LRRFIP1: variants seen among roughly 807,000 people sequenced by gnomAD.
LRRFIP1 encodes the protein leucine-rich repeat flightless-interacting protein 1.
A neutral mutation model predicts 104.4 loss-of-function variants in LRRFIP1; 62 were observed. The observed-to-expected ratio is 0.59, with a 90% CI of 0.48 to 0.73. The LOEUF (loss-of-function observed/expected upper bound fraction) is 0.73. Ranked by LOEUF, LRRFIP1 falls within the 30% of genes least tolerant of loss-of-function variation. The probability of loss-of-function intolerance (pLI) is 0.00; values close to 1 mark genes in which losing one functional copy is unlikely to be tolerated. For missense variants in LRRFIP1, 796 were observed against 824.5 expected, an observed-to-expected ratio of 0.97 and a Z score of 0.42; for synonymous variants, 300 against 299.0, an observed-to-expected ratio of 1.00 and a Z score of -0.03.
intron 1 of LRRFIP1, among the ~76,000 whole-genome samples, chr2:237,662,380 G>C (rs755069672): frequency 3.3e-4 from 50 of 152,214 alleles, no homozygotes; most frequent in Non-Finnish European, 6.5e-4. Context: ...TGAACTTTTG[G>C]GGGATGTTAC....
At chr2:237,647,975 G>C (rs2085252299) in intron 1 of LRRFIP1, among the ~76,000 whole-genome samples, 1 of 152,102 alleles carries the variant, frequency 6.6e-6, no homozygotes. Context: ...TCCAGAATCT[G>C]GGGGAAGAAC....
chr2:237,741,615 G>A (rs1366883208), intron 11 of LRRFIP1, among the ~76,000 whole-genome samples: 3 of 152,060 alleles, frequency 2.0e-5, no homozygotes, highest in Non-Finnish European at 4.4e-5. Context: ...ATCACTTGAG[G>A]TCAGGAGTTG....
At chr2:237,702,866 T>C (rs1456055021) in intron 1 of LRRFIP1, among the ~76,000 whole-genome samples, 1 of 152,130 alleles carries the variant, frequency 6.6e-6, no homozygotes, top group Non-Finnish European at 1.5e-5. Context: ...CTACCCAGCC[T>C]CAACAATTGT....
intron 21 of LRRFIP1, 84 bp downstream of exon 21, chr2:237,772,282 G>T: frequency 9.6e-7 from 1 of 1,041,702 alleles, no homozygotes; most frequent in Non-Finnish European, 1.5e-6. Context: ...AACTGTCACG[G>T]CAAAGAATGC....
rs1576479387 is a variant in LRRFIP1, at chr2:237,779,515, C to G, written c.1906C>G (p.Leu636Val). Residue 636 changes from leucine (L) to valine (V), a missense_variant, in exon 24 of 24, where the codon CTC (leucine) becomes GTC (valine). Physicochemically the swap from Leu to Val is conservative, Grantham distance 32. Transcript: ENST00000308482. ...AAAAATGAAAGCAAATCGGAGTGCA[C>G]TCTTGTCCCAGCAGTAAATTCCAGC... ...LEKMKANRSA[L>V]LSQQ 3 of 1,613,540 alleles carry G rather than the reference C, an allele frequency of 1.9e-6. No individual in the cohort carries two copies. The highest frequency in any genetic ancestry group is 2.5e-6 in the Non-Finnish European group (3 of 1,179,524).
chr2:237,746,062 A>G (rs867196400), intron 11 of LRRFIP1, among the ~76,000 whole-genome samples: 1 of 141,034 alleles, frequency 7.1e-6, no homozygotes. Flanking sequence ...TATTTTATTT[A>G]TTTTTTTTTT....
At chr2:237,660,853 GA>G (rs34577887) in intron 1 of LRRFIP1, among the ~76,000 whole-genome samples, 11,872 of 152,216 alleles carry the variant, frequency 0.078, 570 homozygotes, top group East Asian at 0.19. Context: ...GTCTGTGGCA[GA>G]AAAAGGGAGA....
At chr2:237,689,900 G>C (rs2092650027) in intron 1 of LRRFIP1, among the ~76,000 whole-genome samples, 1 of 152,226 alleles carries the variant, frequency 6.6e-6, no homozygotes, top group African/African-American at 2.4e-5. Flanking sequence ...CCCCGTGTTA[G>C]AGCCTTTGGT....
chr2:237,705,858 G>C (rs547071538), intron 1 of LRRFIP1, among the ~76,000 whole-genome samples: 1 of 152,158 alleles, frequency 6.6e-6, no homozygotes. Context: ...GCGTCAGTCA[G>C]CCAGGGGCTG....
At chr2:237,737,510 GTTTGAGAGCTGCT>G (rs2095288576) in intron 10 of LRRFIP1, among the ~76,000 whole-genome samples, 1 of 152,198 alleles carries the variant, frequency 6.6e-6, no homozygotes, top group South Asian at 2.1e-4. Context: ...CAGTTGGAAG[GTTTGAGAGCTGCT>G]TTTGCTTAGG....
At chr2:237,734,273 C>CTTTTTTTTT (rs71870330) in intron 9 of LRRFIP1, among the ~76,000 whole-genome samples, 9 of 90,218 alleles carry the variant, frequency 1.0e-4, no homozygotes, top group African/African-American at 3.2e-4. Context: ...TGTTAATAAC[C>CTTTTTTTTT]TTTTTTTTTT....
intron 19 of LRRFIP1, chr2:237,765,190 G>A (rs1219024453): frequency 3.0e-5 from 5 of 166,268 alleles, no homozygotes; most frequent in Admixed American, 6.6e-5. Flanking sequence ...TTGAACCTGC[G>A]AGGCAGAGAT....
At chr2:237,746,536 G>A (rs774272085) in intron 11 of LRRFIP1, among the ~76,000 whole-genome samples, 3 of 152,168 alleles carry the variant, frequency 2.0e-5, no homozygotes, top group Admixed American at 2.0e-4. Flanking sequence ...CTGTCCCATC[G>A]GAGTCTGCCT....
intron 1 of LRRFIP1, among the ~76,000 whole-genome samples, chr2:237,681,150 C>G (rs1006002089): frequency 1.3e-5 from 2 of 152,216 alleles, no homozygotes; most frequent in African/African-American, 2.4e-5. Flanking sequence ...TCTCACCTCC[C>G]TGTTCAAATA....
intron 23 of LRRFIP1, among the ~76,000 whole-genome samples, chr2:237,778,277 C>G (rs2061260114): frequency 6.6e-6 from 1 of 152,194 alleles, no homozygotes; most frequent in Admixed American, 6.5e-5. Context: ...ACTTCTGTCC[C>G]AGGACCCAAA....
rs1417103213 is a variant in LRRFIP1, at chr2:237,691,880, A to G, written c.97-16664A>G. 4.1e-5 allele frequency among the ~76,000 whole-genome samples: 6 copies of G among 145,216 alleles called. No individual in the cohort carries two copies. Among genetic ancestry groups the G allele is most frequent in the Admixed American group, 4.1e-4 (6 of 14,576 alleles). ...AGCCCGGGAGGGGCGGGGCAGGACC[A>G]GGAAGATCCTTCCGAGACGGAGCGC... On this transcript the variant is annotated intron_variant, in intron 1 of 23. Coordinates refer to ENST00000308482, the MANE Select transcript of LRRFIP1 (RefSeq NM_001137550.2). This position sits in a 1 kb window ranked among gnomAD's most constrained non-coding sequence, Gnocchi z 5.4.
In LRRFIP1 at chr2:237,779,610, C is replaced by T. The variant is rs1016073607; in HGVS notation, c.*78C>T. 1.4e-5 allele frequency: 17 copies of T among 1,256,096 alleles called. No homozygotes were observed. The highest frequency in any genetic ancestry group is 2.5e-5 in the East Asian group (1 of 40,256). 77.8% of individuals were successfully genotyped at this position (1,256,096 alleles called of 1,614,324 possible). A position where few individuals can be genotyped will look rare whatever the true frequency, so the allele number is the denominator to read the frequency against. ...GGCTTTTCTCTGTCCTATCTGGGAGCGCTGCTTCTTCCCCTGCCTTCCGAG... is the reference window on the plus strand; with the variant it reads ...GGCTTTTCTCTGTCCTATCTGGGAGTGCTGCTTCTTCCCCTGCCTTCCGAG... On this transcript the variant is annotated 3_prime_UTR_variant, in exon 24 of 24. Coordinates refer to ENST00000308482, the MANE Select transcript of LRRFIP1 (RefSeq NM_001137550.2).
At chr2:237,688,429 C>T (rs938755030) in intron 1 of LRRFIP1, among the ~76,000 whole-genome samples, 23 of 150,386 alleles carry the variant, frequency 1.5e-4, no homozygotes, top group African/African-American at 5.6e-4. Flanking sequence ...TGGTATGGTC[C>T]AGATGGACCC....
chr2:237,724,185 A>G (rs2094646460), intron 7 of LRRFIP1, among the ~76,000 whole-genome samples: 1 of 152,138 alleles, frequency 6.6e-6, no homozygotes, highest in Middle Eastern at 3.2e-3. Context: ...ATGCTTTCTA[A>G]AAGTCTGTCA....
Sources: gnomAD v4.1 joint callset for allele counts (sites outside exome capture counted in the v4.1 genomes callset) on GRCh38, gnomAD v4.1.1 for gene constraint, Gnocchi (gnomAD v3.1) non-coding constraint, MANE v1.5 for transcripts, NCBI Gene and HGNC (gene_info 2026-07-23, HGNC 2026-07-21) for gene names.